The following KIF21A variants were observed in gnomAD, a reference collection of about 807,000 sequenced individuals.
KIF21A encodes the protein kinesin-like protein KIF21A.
Under a neutral mutation model 202.9 loss-of-function variants are expected in KIF21A, and 114 were observed. The ratio of observed to expected loss-of-function variants is 0.56; its 90% CI spans 0.48 to 0.66. The LOEUF (loss-of-function observed/expected upper bound fraction) is 0.66, where lower values mean the gene tolerates loss of function less well. KIF21A is among the 30% of genes least tolerant of loss of function. The pLI is 0.00. For synonymous variants in KIF21A, 667 were observed against 670.8 expected, an observed-to-expected ratio of 0.99 and a Z score of 0.09; for missense variants, 1,677 against 1,994.9, an observed-to-expected ratio of 0.84 and a Z score of 3.04.
At chr12:39,317,075 T>C (rs531917457) in intron 29 of KIF21A, among the ~76,000 whole-genome samples, 1 of 152,264 alleles carries the variant, frequency 6.6e-6, no homozygotes, top group South Asian at 2.1e-4. Context: ...GAGTATTTTG[T>C]TTAATAACAC....
intron 17 of KIF21A, among the ~76,000 whole-genome samples, chr12:39,333,499 G>GT (rs1946683913): frequency 6.6e-6 from 1 of 151,950 alleles, no homozygotes; most frequent in South Asian, 2.1e-4. Context: ...AAAATGAAAG[G>GT]TTATCTCTGT....
At chr12:39,416,685 G>GTATATATA (rs1297735756) in intron 1 of KIF21A, among the ~76,000 whole-genome samples, 2 of 120,710 alleles carry the variant, frequency 1.7e-5, no homozygotes, top group African/African-American at 8.1e-5. Flanking sequence ...ATATATATGT[G>GTATATATA]TGTATATATA....
At chr12:39,367,821 G>A in intron 4 of KIF21A, 62 bp downstream of exon 4, 5 of 1,294,562 alleles carry the variant, frequency 3.9e-6, no homozygotes, top group Middle Eastern at 1.9e-4. Flanking sequence ...CAGATTATCA[G>A]CAAAGCTCAC....
At chr12:39,438,822 A>G (rs1939176166) in intron 1 of KIF21A, among the ~76,000 whole-genome samples, 1 of 152,218 alleles carries the variant, frequency 6.6e-6, no homozygotes, top group Non-Finnish European at 1.5e-5. Flanking sequence ...GTCAGAAGAG[A>G]TAAGGAAGAG....
rs547072515 is a variant in KIF21A at position 39,374,820 on chromosome 12, A to G, written c.45-4559T>C. Among the ~76,000 whole-genome samples the G allele has an allele frequency of 6.4e-4, 97 of 152,286 alleles. 1 individual carries two copies. Among genetic ancestry groups the G allele is most frequent in the Non-Finnish European group, 1.2e-3 (81 of 68,012 alleles). ...CTGGCTTTACTAATTCCAAGTTTAA[A>G]TTCTATTTTAATTAATCCTTCAAGA... On this transcript the variant is annotated intron_variant, in intron 1 of 37. Transcript: ENST00000361418.
intron 29 of KIF21A, 62 bp from the exon 30 acceptor site, chr12:39,316,032 G>A (rs371433490): frequency 1.5e-5 from 17 of 1,106,186 alleles, no homozygotes; most frequent in Non-Finnish European, 2.0e-5. Flanking sequence ...TAAGGACACT[G>A]ACTTTGGACT....
chr12:39,315,368 A>G (rs1944420932), intron 30 of KIF21A, 128 bp from the exon 31 acceptor site: 5 of 755,732 alleles, frequency 6.6e-6, no homozygotes, highest in Admixed American at 4.5e-5. Context: ...GACCCCCAGA[A>G]AAATCCATAA....
intron 1 of KIF21A, among the ~76,000 whole-genome samples, chr12:39,426,718 CAA>C (rs1200308560): frequency 2.0e-4 from 16 of 81,884 alleles, no homozygotes; most frequent in Admixed American, 2.6e-4. Flanking sequence ...ACTAAAAATA[CAA>C]AAAAAAAAAA....
chr12:39,337,394 A>G, intron 16 of KIF21A, 191 bp from the exon 17 acceptor site: 1 of 570,148 alleles, frequency 1.8e-6, no homozygotes, highest in Non-Finnish European at 3.1e-6. Flanking sequence ...ATACATTTTT[A>G]TTAAATTGCT....
chr12:39,416,909 A>C lies in KIF21A; in HGVS notation c.44+26018T>G, dbSNP rs1953802143. On this transcript the variant is annotated intron_variant, in intron 1 of 37. Coordinates refer to ENST00000361418, the MANE Select transcript of KIF21A (RefSeq NM_001173464.2). ...TATATATGTGTATATATATATGTACACACACACACATATAAATAAAAAAAT... is the reference window on the plus strand; with the variant it reads ...TATATATGTGTATATATATATGTACCCACACACACATATAAATAAAAAAAT... Among the ~76,000 whole-genome samples, 4 of 149,118 alleles carry C rather than the reference A, an allele frequency of 2.7e-5. No individual in the cohort carries two copies. In the South Asian group the frequency reaches 8.4e-4, roughly 31 times the overall value.
rs530795900 is a variant in KIF21A at position 39,337,168 on chromosome 12, C to T, written c.2346G>A (p.Glu782=). The change falls in exon 17 of 38, where the codon GAG becomes GAA. Residue 782 remains glutamate, a synonymous_variant. Coordinates refer to ENST00000361418, the MANE Select transcript of KIF21A (RefSeq NM_001173464.2). The stretch of plus-strand genomic sequence containing the variant: ...TTCTAGACTCAGTCAGTCTGGCTTT[C>T]TCTTGTTCTTCTTTCATTTGTTTCA... ...RLMKQMKEEQ[E]KARLTESRRN... is the part of the protein sequence containing the mutation. 68 of 1,612,440 alleles carry T rather than the reference C, an allele frequency of 4.2e-5. No homozygotes were observed. The highest frequency in any genetic ancestry group is 5.5e-5 in the Non-Finnish European group (65 of 1,179,416).
At chr12:39,307,773 T>C (rs1029795088) in intron 33 of KIF21A, 44 bp from the exon 34 acceptor site, 7 of 1,585,102 alleles carry the variant, frequency 4.4e-6, no homozygotes, top group Non-Finnish European at 6.0e-6. Context: ...CTTCTGGACT[T>C]GGGTTTGGCT....
rs1036247593 is a variant in KIF21A, at chr12:39,443,065, G to C, written c.-95C>G. 3.1e-6 allele frequency: 4 copies of C among 1,288,398 alleles called. No homozygotes were observed. Among genetic ancestry groups the C allele is most frequent in the Non-Finnish European group, 4.0e-6 (4 of 988,878 alleles). 79.8% of individuals were successfully genotyped at this position (1,288,398 alleles called of 1,614,324 possible). On this transcript the variant is annotated 5_prime_UTR_variant, in exon 1 of 38. Transcript: ENST00000361418. ...GGACTCGGGCGCAGTAGGCTGGGGCGTCTGCGGGCGGGCGGCCGGCTCACC... is the reference window on the plus strand; with the variant it reads ...GGACTCGGGCGCAGTAGGCTGGGGCCTCTGCGGGCGGGCGGCCGGCTCACC...
intron 10 of KIF21A, among the ~76,000 whole-genome samples, chr12:39,353,620 TA>T (rs1180904483): frequency 5.0e-4 from 76 of 152,258 alleles, no homozygotes; most frequent in African/African-American, 1.8e-3. Flanking sequence ...ATAAATCAGC[TA>T]ACCATAATGA....
intron 28 of KIF21A, 28 bp from the exon 29 acceptor site, chr12:39,318,229 G>C: frequency 3.7e-6 from 6 of 1,609,374 alleles, no homozygotes; most frequent in Non-Finnish European, 5.1e-6. Context: ...CATTAAGTAG[G>C]TGGCTTTAAT....
intron 1 of KIF21A, among the ~76,000 whole-genome samples, chr12:39,372,267 T>C (rs2139233854): frequency 6.6e-6 from 1 of 152,282 alleles, no homozygotes; most frequent in African/African-American, 2.4e-5. Context: ...CTCATGTAAA[T>C]AATATGTCAA....
chr12:39,434,720 T>C (rs1406774250), intron 1 of KIF21A, among the ~76,000 whole-genome samples: 1 of 152,172 alleles, frequency 6.6e-6, no homozygotes, highest in East Asian at 1.9e-4. Flanking sequence ...TATGAATGAA[T>C]TTTGATCCAA....
Position 39,315,930 on chromosome 12 carries a change from A to G in KIF21A, c.3947+2T>C. The G allele has an allele frequency of 6.2e-7, 1 of 1,602,396 alleles. No homozygotes were observed. The highest frequency in any genetic ancestry group is 8.6e-7 in the Non-Finnish European group (1 of 1,169,444). The stretch of plus-strand genomic sequence containing the variant: ...ATGTAGGAAAGGCAGGAAAGAAAGT[A>G]CCTGTGTACCTCCGAGAGAGAGGAG... On this transcript the variant is annotated splice_donor_variant, in intron 30 of 37. Transcript: ENST00000361418. LOFTEE classifies it high-confidence loss of function.
chr12:39,300,700 C>A (rs897454025), intron 37 of KIF21A, among the ~76,000 whole-genome samples: 2 of 151,942 alleles, frequency 1.3e-5, no homozygotes, highest in Non-Finnish European at 2.9e-5. Flanking sequence ...TATATATGTA[C>A]TATATATAAT....
Sources: gnomAD v4.1 joint callset for allele counts (sites outside exome capture counted in the v4.1 genomes callset) on GRCh38, gnomAD v4.1.1 for gene constraint, MANE v1.5 for transcripts, NCBI Gene and HGNC (gene_info 2026-07-23, HGNC 2026-07-21) for gene names.